The following STK3 variants were observed in gnomAD, a reference collection of about 807,000 sequenced individuals.
STK3 encodes serine/threonine kinase 3.
A neutral mutation model predicts 58.0 loss-of-function variants in STK3; 41 were observed. That is an observed-to-expected ratio of 0.71 (90% CI 0.55 to 0.92). STK3 has a LOEUF of 0.92. STK3 is among the 40% of genes least tolerant of loss of function. STK3 has a pLI of 0.00. For missense variants in STK3, 479 were observed against 602.7 expected, an observed-to-expected ratio of 0.79 and a Z score of 2.15; for synonymous variants, 170 against 191.0, an observed-to-expected ratio of 0.89 and a Z score of 0.91.
At chr8:98,840,785 A>G (rs1019755657) in intron 3 of STK3, among the ~76,000 whole-genome samples, 2 of 151,956 alleles carry the variant, frequency 1.3e-5, no homozygotes, top group African/African-American at 4.8e-5. Flanking sequence ...ATCCAGGTGC[A>G]ACTTATCAGG....
intron 1 of STK3, among the ~76,000 whole-genome samples, chr8:98,885,532 C>G (rs189047583): frequency 1.9e-4 from 29 of 152,280 alleles, no homozygotes; most frequent in African/African-American, 6.7e-4. Context: ...CTCCGCCTCC[C>G]AGGTTCAAGC....
chr8:98,615,094 C>A (rs1046147994), intron 6 of STK3, among the ~76,000 whole-genome samples: 4 of 151,988 alleles, frequency 2.6e-5, no homozygotes, highest in Middle Eastern at 3.4e-3. Context: ...GTGGTTCTCC[C>A]AGCACGCAGC....
chr8:98,429,643 T>C, intron 3 of STK3: 1 of 512,374 alleles, frequency 2.0e-6, no homozygotes. Flanking sequence ...CTCACTGGTC[T>C]TTGCATCGTG....
intron 10 of STK3, among the ~76,000 whole-genome samples, chr8:98,517,046 T>TA (rs1182691023): frequency 6.6e-6 from 1 of 152,084 alleles, no homozygotes; most frequent in African/African-American, 2.4e-5. Flanking sequence ...CATGCACCAT[T>TA]ACTGAATTCA....
chr8:98,686,998 C>T (rs1824048863), intron 6 of STK3, among the ~76,000 whole-genome samples: 1 of 152,070 alleles, frequency 6.6e-6, no homozygotes, highest in South Asian at 2.1e-4. Flanking sequence ...ACTTGGAAAA[C>T]ATATTTGAAG....
At chr8:98,701,999 T>C (rs760889371) in intron 6 of STK3, among the ~76,000 whole-genome samples, 1 of 152,226 alleles carries the variant, frequency 6.6e-6, no homozygotes, top group Non-Finnish European at 1.5e-5. Context: ...TTAAAAGCTT[T>C]ATATGTTTCA....
intron 1 of STK3, among the ~76,000 whole-genome samples, chr8:98,798,448 G>A (rs1265801473): frequency 1.3e-5 from 2 of 151,994 alleles, no homozygotes; most frequent in African/African-American, 2.4e-5. Context: ...TTAATCAAAG[G>A]CCCCCAAAAA....
chr8:98,409,776 G>T (rs1382435759), intron 3 of STK3, among the ~76,000 whole-genome samples: 7 of 152,210 alleles, frequency 4.6e-5, no homozygotes, highest in Non-Finnish European at 8.8e-5. Context: ...TCTGACTCAT[G>T]CCCAGCTGTC....
At chr8:98,583,924 A>C (rs1349274970) in intron 7 of STK3, among the ~76,000 whole-genome samples, 2 of 151,756 alleles carry the variant, frequency 1.3e-5, no homozygotes, top group Non-Finnish European at 2.9e-5. Flanking sequence ...GAGATTAATA[A>C]ATACTTCTTT....
At chr8:98,360,396 G>A in the STK3 span, among the ~76,000 whole-genome samples, 8 of 152,122 alleles carry the variant, frequency 5.3e-5, no homozygotes, top group Admixed American at 1.3e-4. Flanking sequence ...TTCCCTCTGT[G>A]TCTCCATGCC....
At chr8:98,799,406 G>C (rs1438724508) in intron 1 of STK3, among the ~76,000 whole-genome samples, 4 of 151,892 alleles carry the variant, frequency 2.6e-5, no homozygotes, top group Non-Finnish European at 4.4e-5. Context: ...AAGAGACAGA[G>C]AGAAAAAGAG....
intron 4 of STK3, among the ~76,000 whole-genome samples, chr8:98,723,558 G>A (rs1295227632): frequency 1.3e-5 from 2 of 152,078 alleles, no homozygotes; most frequent in Admixed American, 1.3e-4. Flanking sequence ...GAATTCAAGT[G>A]AGGTTTTAAG....
intron 10 of STK3, among the ~76,000 whole-genome samples, chr8:98,490,461 C>G (rs1181985442): frequency 6.6e-6 from 1 of 152,016 alleles, no homozygotes; most frequent in South Asian, 2.1e-4. Flanking sequence ...TTTTTCCACC[C>G]CTGACTTTAC....
chr8:98,483,001 A>G (rs72666619), intron 10 of STK3, among the ~76,000 whole-genome samples: 4,564 of 152,228 alleles, frequency 0.03, 104 homozygotes, highest in South Asian at 0.061. Context: ...AGTGAGAGAG[A>G]ACAATCTTTT....
chr8:98,825,497 C>G lies in STK3; in HGVS notation c.26+18G>C, dbSNP rs996476807. The G allele has an allele frequency of 2.1e-5, 31 of 1,455,196 alleles. No homozygotes were observed. Among genetic ancestry groups the G allele is most frequent in the Non-Finnish European group, 2.6e-5 (28 of 1,097,828 alleles). 90.1% of individuals were successfully genotyped at this position (1,455,196 alleles called of 1,614,324 possible). A position where few individuals can be genotyped will look rare whatever the true frequency, so the allele number is the denominator to read the frequency against. On this transcript the variant is annotated intron_variant, in intron 1 of 10. Coordinates refer to ENST00000419617, the MANE Select transcript of STK3 (RefSeq NM_006281.4). ...CCGGCGCCGCTTCCCTCCTTCTTCC[C>G]GCTCCCCGATTCGTTACCTCTTAGG...
chr8:98,525,670 T>C (rs888415258), intron 10 of STK3, among the ~76,000 whole-genome samples: 1 of 152,244 alleles, frequency 6.6e-6, no homozygotes, highest in African/African-American at 2.4e-5. Flanking sequence ...ATTGCAATGA[T>C]GTTTGCAAGC....
At chr8:98,421,830 C>T (rs1037139857) in intron 3 of STK3, among the ~76,000 whole-genome samples, 1 of 152,026 alleles carries the variant, frequency 6.6e-6, no homozygotes, top group African/African-American at 2.4e-5. Flanking sequence ...TCAGGATGTC[C>T]TGAGGAATTC....
intron 3 of STK3, among the ~76,000 whole-genome samples, chr8:98,853,146 T>G (rs1250933252): frequency 6.6e-6 from 1 of 152,156 alleles, no homozygotes; most frequent in African/African-American, 2.4e-5. Flanking sequence ...ACTCTCACGC[T>G]TAAAAGAATT....
At chr8:98,353,432 A>G in the STK3 span, among the ~76,000 whole-genome samples, 287 of 152,354 alleles carry the variant, frequency 1.9e-3, 1 homozygote, top group African/African-American at 6.3e-3. Flanking sequence ...TCGAGGCTGC[A>G]GTGAGCTGTC....
Sources: allele counts gnomAD v4.1 joint callset (sites outside exome capture counted in the v4.1 genomes callset), GRCh38; gene constraint gnomAD v4.1.1; transcripts MANE v1.5; gene names NCBI Gene and HGNC (gene_info 2026-07-23, HGNC 2026-07-21).